PIGK: variants seen among roughly 807,000 people sequenced by gnomAD.
PIGK encodes the protein phosphatidylinositol glycan anchor biosynthesis class K.
Under a neutral mutation model 50.6 loss-of-function variants are expected in PIGK, and 42 were observed. The observed-to-expected ratio is 0.83, with a 90% CI of 0.65 to 1.07. The LOEUF (loss-of-function observed/expected upper bound fraction) is 1.07. PIGK is among the 50% of genes least tolerant of loss of function. The probability of loss-of-function intolerance (pLI) is 0.00; values close to 1 mark genes in which losing one functional copy is unlikely to be tolerated. For missense variants in PIGK, 448 were observed against 488.7 expected, an observed-to-expected ratio of 0.92 and a Z score of 0.78; for synonymous variants, 151 against 156.0, an observed-to-expected ratio of 0.97 and a Z score of 0.24.
At position 77,206,680 on chromosome 1, in the gene PIGK, A is replaced by G; in HGVS notation, c.199T>C (p.Ser67Pro). ...AGCCTCTTGACACTTCTATAAACAG[A>G]AAGGGTATTTGCAACATGTCGATAA... is the stretch of plus-strand genomic sequence containing the variant. ...FNYRHVANTLSVYRSVKRLGI... is the reference protein window; with the variant it reads ...FNYRHVANTLPVYRSVKRLGI... Residue 67 changes from serine (S) to proline (P), a missense_variant, in exon 3 of 11, where the codon TCT becomes CCT. Coordinates refer to ENST00000370812, the MANE Select transcript of PIGK (RefSeq NM_005482.3). 6.2e-7 allele frequency: 1 copy of G among 1,612,112 alleles called. No homozygotes were observed.
chr1:77,101,488 G>A (rs1653539407), intron 10 of PIGK, among the ~76,000 whole-genome samples: 1 of 152,114 alleles, frequency 6.6e-6, no homozygotes, highest in Non-Finnish European at 1.5e-5. Flanking sequence ...TTTTGAACCT[G>A]ATCAGGTCCT....
chr1:77,195,419 C>T (rs1431367827), intron 3 of PIGK: 2 of 1,034,532 alleles, frequency 1.9e-6, no homozygotes, highest in Non-Finnish European at 2.8e-6. Context: ...AGGGTGCTCA[C>T]TTCCTGTTTC....
At chr1:77,156,394 TC>T (rs1487805165) in intron 8 of PIGK, among the ~76,000 whole-genome samples, 2 of 152,332 alleles carry the variant, frequency 1.3e-5, no homozygotes, top group East Asian at 3.9e-4. Flanking sequence ...CAATCTGATT[TC>T]CTTAGCTCAC....
intron 9 of PIGK, among the ~76,000 whole-genome samples, chr1:77,128,217 A>G (rs1027129875): frequency 4.6e-5 from 7 of 152,226 alleles, no homozygotes; most frequent in Non-Finnish European, 8.8e-5. Context: ...AAGATATGAA[A>G]ATAGAACTTC....
chr1:77,200,601 G>A (rs1029633789), intron 3 of PIGK, among the ~76,000 whole-genome samples: 1 of 151,994 alleles, frequency 6.6e-6, no homozygotes, highest in Non-Finnish European at 1.5e-5. Context: ...AATATCTATA[G>A]ATTGTCATAA....
chr1:77,181,317 C>T (rs967923815), intron 3 of PIGK, among the ~76,000 whole-genome samples: 2 of 152,088 alleles, frequency 1.3e-5, no homozygotes, highest in African/African-American at 2.4e-5. Context: ...AAAAAATATA[C>T]ATATTTCAAA....
intron 3 of PIGK, chr1:77,195,186 C>A: frequency 8.3e-7 from 1 of 1,197,684 alleles, no homozygotes; most frequent in Non-Finnish European, 1.2e-6. Context: ...CCCTCCTGTT[C>A]TTAACCGTGG....
chr1:77,116,001 A>G (rs556637251), intron 10 of PIGK, among the ~76,000 whole-genome samples: 2 of 152,286 alleles, frequency 1.3e-5, no homozygotes, highest in South Asian at 4.1e-4. Flanking sequence ...AAAACAATAG[A>G]TATTTCTCCA....
At chr1:77,167,810 T>C (rs1292422486) in intron 4 of PIGK, among the ~76,000 whole-genome samples, 2 of 152,162 alleles carry the variant, frequency 1.3e-5, no homozygotes, top group African/African-American at 4.8e-5. Context: ...AGATACAAAA[T>C]ATAAGAATTT....
intron 1 of PIGK, among the ~76,000 whole-genome samples, chr1:77,214,469 A>G (rs763882512): frequency 4.6e-5 from 7 of 152,050 alleles, no homozygotes; most frequent in Non-Finnish European, 8.8e-5. Context: ...CACGATAAAA[A>G]CTCTCAACAA....
At chr1:77,130,114 C>A (rs1654333649) in intron 9 of PIGK, among the ~76,000 whole-genome samples, 3 of 149,348 alleles carry the variant, frequency 2.0e-5, no homozygotes, top group South Asian at 2.1e-4. Flanking sequence ...ATAATCTAGA[C>A]AGAAATTCTT....
intron 3 of PIGK, among the ~76,000 whole-genome samples, chr1:77,189,740 TATATATATACACAC>T (rs1305015518): frequency 9.0e-5 from 3 of 33,244 alleles, no homozygotes; most frequent in African/African-American, 4.7e-4. Flanking sequence ...TATATATATA[TATATATATACACAC>T]ACACACACAC....
At chr1:77,116,050 A>T (rs1653954156) in intron 10 of PIGK, among the ~76,000 whole-genome samples, 1 of 152,122 alleles carries the variant, frequency 6.6e-6, no homozygotes, top group Non-Finnish European at 1.5e-5. Flanking sequence ...CATTTGAGTA[A>T]GTTAAAGTTT....
At chr1:77,101,871 G>A (rs1394809122) in intron 10 of PIGK, among the ~76,000 whole-genome samples, 1 of 152,130 alleles carries the variant, frequency 6.6e-6, no homozygotes. Context: ...GGGCGTGGTG[G>A]TGCATGCCTG....
In PIGK at chr1:77,092,448, G is replaced by A. The variant is rs770833921; in HGVS notation, c.1114C>T (p.Leu372=). The change falls in exon 11 of 11, where the codon CTG becomes TTG. Residue 372 remains leucine, a synonymous_variant. Transcript: ENST00000370812. ...ATGATAATAAGTGCCCATAATCCCA[G>A]AATAAAGCCCCCAGGAGGATGCCAG... ...KDWHPPGGFI[L]GLWALIIMVF... The A allele has an allele frequency of 1.9e-6, 3 of 1,606,296 alleles. No homozygotes were observed. Among genetic ancestry groups the A allele is most frequent in the Admixed American group, 1.7e-5 (1 of 58,986 alleles).
Position 77,129,705 on chromosome 1 carries a change from T to TA in PIGK, c.987-7347dup. ...AAATAAATGTAATTAAAAGGAAAAA[T>TA]AAAAAATAAAAATAAATAAATAAAT... On this transcript the variant is annotated intron_variant, in intron 9 of 10. Transcript: ENST00000370812. 4 of 1,110,852 alleles carry TA rather than the reference T, an allele frequency of 3.6e-6. No individual in the cohort carries two copies. The South Asian group carries it at 7.3e-5, about 20-fold the overall frequency. The allele number at this position is 1,110,852 out of a possible 1,614,324, so 68.8% of individuals were successfully genotyped here. A position where few individuals can be genotyped will look rare whatever the true frequency, so the allele number is the denominator to read the frequency against.
intron 9 of PIGK, among the ~76,000 whole-genome samples, chr1:77,136,437 G>A (rs1451967522): frequency 6.7e-6 from 1 of 148,956 alleles, no homozygotes; most frequent in East Asian, 2.0e-4. Context: ...GCTGAGGCAG[G>A]AGAACGGCGT....
At position 77,169,388 on chromosome 1, in the gene PIGK, C is replaced by A; in HGVS notation, c.247G>T (p.Val83Phe). The A allele has an allele frequency of 1.3e-6, 2 of 1,585,116 alleles. No individual in the cohort carries two copies. Among genetic ancestry groups the A allele is most frequent in the Non-Finnish European group, 1.7e-6 (2 of 1,170,374 alleles). Residue 83 changes from valine to phenylalanine, a missense_variant, in exon 4 of 11, where the codon GTC becomes TTC. By Grantham distance (50) the Val-to-Phe change is conservative. Coordinates refer to ENST00000370812, the MANE Select transcript of PIGK (RefSeq NM_005482.3). Reference protein sequence around the residue: ...KRLGIPDSHIVLMLADDMACN... With the variant: ...KRLGIPDSHIFLMLADDMACN... ...GCCATATCATCTGCAAGCATTAGGA[C>A]AATGTGACTAGGGAAAAAAAATCCA...
chr1:77,200,579 C>T (rs1656140882), intron 3 of PIGK, among the ~76,000 whole-genome samples: 2 of 151,742 alleles, frequency 1.3e-5, no homozygotes, highest in Non-Finnish European at 2.9e-5. Context: ...AATGAGTGTG[C>T]ATAATTGTAG....
Sources: gnomAD v4.1 joint callset for allele counts (sites outside exome capture counted in the v4.1 genomes callset) on GRCh38, gnomAD v4.1.1 for gene constraint, MANE v1.5 for transcripts, NCBI Gene and HGNC (gene_info 2026-07-23, HGNC 2026-07-21) for gene names.